PHF20: variants seen among roughly 807,000 people sequenced by gnomAD.
PHF20 encodes the protein PHD finger protein 20, also known as glioma-expressed antigen 2.
Under a neutral mutation model 113.5 loss-of-function variants are expected in PHF20, and 23 were observed. The observed-to-expected ratio is 0.20, with a 90% confidence interval of 0.15 to 0.29. PHF20 has a LOEUF of 0.29. Among genes scored for constraint, PHF20 ranks in the 10% least tolerant of loss-of-function variants. The pLI is 1.00. For synonymous variants in PHF20, 434 were observed against 457.3 expected (o/e 0.95, Z 0.65); for missense variants, 943 against 1,219.6 (o/e 0.77, Z 3.38).
chr20:35,810,612 A>G (rs2041960164), intron 2 of PHF20, among the ~76,000 whole-genome samples: 1 of 152,166 alleles, frequency 6.6e-6, no homozygotes. Flanking sequence ...TATTTGCCCA[A>G]GGTCACACAG....
intron 2 of PHF20, among the ~76,000 whole-genome samples, chr20:35,816,471 C>T (rs1342690774): frequency 1.4e-5 from 2 of 143,872 alleles, no homozygotes; most frequent in African/African-American, 2.6e-5. Flanking sequence ...TTTTTTGAGA[C>T]GGAATTTTGC....
intron 4 of PHF20, chr20:35,850,749 A>G (rs955478636): frequency 1.5e-5 from 9 of 583,644 alleles, no homozygotes; most frequent in Non-Finnish European, 2.8e-5. Context: ...TTGTGTTGTT[A>G]TATATGTCCA....
intron 9 of PHF20, among the ~76,000 whole-genome samples, chr20:35,886,139 C>CTTTT (rs199904992): frequency 1.5e-5 from 2 of 137,470 alleles, no homozygotes; most frequent in African/African-American, 5.5e-5. Flanking sequence ...TCAGTAAATA[C>CTTTT]TTTTTTTTTT....
At chr20:35,868,927 C>T (rs2146985245) in intron 6 of PHF20, among the ~76,000 whole-genome samples, 1 of 152,080 alleles carries the variant, frequency 6.6e-6, no homozygotes, top group South Asian at 2.1e-4. Flanking sequence ...CGTGACTCTA[C>T]TAAAATTACA....
At chr20:35,781,333 G>A (rs963908630) in intron 1 of PHF20, among the ~76,000 whole-genome samples, 1 of 150,390 alleles carries the variant, frequency 6.6e-6, no homozygotes. Context: ...TGATAGAGAC[G>A]GGTTTCACCG....
At chr20:35,930,840 T>C (rs1189516657) in intron 14 of PHF20, among the ~76,000 whole-genome samples, 2 of 152,074 alleles carry the variant, frequency 1.3e-5, no homozygotes, top group African/African-American at 2.4e-5. Flanking sequence ...TGTAAAGGTA[T>C]GGAGGGGAAG....
chr20:35,878,164 G>C (rs564906942), intron 9 of PHF20, among the ~76,000 whole-genome samples: 1 of 152,292 alleles, frequency 6.6e-6, no homozygotes, highest in East Asian at 1.9e-4. Context: ...ATATCATCAA[G>C]TATGTATTGT....
At chr20:35,857,562 CTTTTTTTTT>C (rs56655276) in intron 4 of PHF20, among the ~76,000 whole-genome samples, 3 of 99,672 alleles carry the variant, frequency 3.0e-5, no homozygotes, top group South Asian at 4.1e-4. Flanking sequence ...AATGATGTTC[CTTTTTTTTT>C]TTTTTTTTTT....
chr20:35,802,608 A>G (rs2041800804), intron 2 of PHF20, among the ~76,000 whole-genome samples: 1 of 152,138 alleles, frequency 6.6e-6, no homozygotes, highest in East Asian at 1.9e-4. Context: ...GAGGCATAGA[A>G]GCAGCTGGTA....
intron 13 of PHF20, among the ~76,000 whole-genome samples, chr20:35,924,290 G>C (rs187825188): frequency 6.6e-6 from 1 of 150,594 alleles, no homozygotes; most frequent in Non-Finnish European, 1.5e-5. Context: ...CACCTCCCAG[G>C]TTCAAGTGAT....
intron 2 of PHF20, among the ~76,000 whole-genome samples, chr20:35,816,787 GT>G (rs879286513): frequency 2.3e-4 from 32 of 139,866 alleles, no homozygotes; most frequent in East Asian, 1.9e-3. Context: ...AATTAAATGA[GT>G]TTTTTTTTTT....
In PHF20 at chr20:35,948,559, C is replaced by T. The variant is rs1371015602; in HGVS notation, c.*932C>T. 6.6e-6 allele frequency: 1 copy of T among 152,604 alleles called. No individual in the cohort carries two copies. The highest frequency in any genetic ancestry group is 1.5e-5 in the Non-Finnish European group (1 of 68,040). The allele number at this position is 152,604 out of a possible 1,614,324, so 9.5% of individuals were successfully genotyped here. Reference sequence around the variant, plus strand: ...TCTACATGTGCGACTTTTCTCCTTCCTGAAGGGTGTTTAGTAGTCAGCGTT... The same window carrying T: ...TCTACATGTGCGACTTTTCTCCTTCTTGAAGGGTGTTTAGTAGTCAGCGTT... On this transcript the variant is annotated 3_prime_UTR_variant, in exon 18 of 18. Coordinates refer to ENST00000374012, the MANE Select transcript of PHF20 (RefSeq NM_016436.5).
chr20:35,778,172 A>G (rs2041212635), intron 1 of PHF20, among the ~76,000 whole-genome samples: 1 of 152,084 alleles, frequency 6.6e-6, no homozygotes, highest in South Asian at 2.1e-4. Context: ...CAACCTGTGC[A>G]TCCTGAATTC....
intron 5 of PHF20, 145 bp downstream of exon 5, chr20:35,858,526 A>G (rs1348668159): frequency 1.8e-6 from 1 of 541,528 alleles, no homozygotes; most frequent in Non-Finnish European, 3.3e-6. Flanking sequence ...ATAATACACA[A>G]GTTTTCAGAA....
At chr20:35,821,861 A>G (rs1025562510) in intron 2 of PHF20, among the ~76,000 whole-genome samples, 1 of 152,178 alleles carries the variant, frequency 6.6e-6, no homozygotes, top group East Asian at 1.9e-4. Context: ...TGCTGACGAC[A>G]TGTAAGAGAT....
At chr20:35,906,464 G>A (rs191664024) in intron 10 of PHF20, among the ~76,000 whole-genome samples, 1 of 142,690 alleles carries the variant, frequency 7.0e-6, no homozygotes, top group African/African-American at 2.4e-5. Flanking sequence ...AGGCTCTAAA[G>A]GTCCCTGGGC....
intron 1 of PHF20, among the ~76,000 whole-genome samples, chr20:35,789,026 G>A (rs1261013159): frequency 6.6e-6 from 1 of 152,116 alleles, no homozygotes; most frequent in Admixed American, 6.6e-5. Flanking sequence ...TGGCCCAGAG[G>A]GTAGGTTAGG....
chr20:35,777,864 A>G (rs937777577), intron 1 of PHF20, among the ~76,000 whole-genome samples: 2 of 152,206 alleles, frequency 1.3e-5, no homozygotes, highest in African/African-American at 4.8e-5. Context: ...ATTGTTAAGG[A>G]TAATGATAAG....
chr20:35,847,643 C>T (rs1165109969), intron 4 of PHF20, among the ~76,000 whole-genome samples: 1 of 152,154 alleles, frequency 6.6e-6, no homozygotes, highest in East Asian at 1.9e-4. Context: ...TTTTTACCCC[C>T]TGAATTTCAG....
Sources: allele counts gnomAD v4.1 joint callset (sites outside exome capture counted in the v4.1 genomes callset), GRCh38; gene constraint gnomAD v4.1.1; transcripts MANE v1.5; gene names NCBI Gene and HGNC (gene_info 2026-07-23, HGNC 2026-07-21).